Variants in COL23A1 observed in about 807,000 individuals in gnomAD.
COL23A1 encodes collagen type XXIII alpha 1 chain.
A neutral mutation model predicts 99.3 loss-of-function variants in COL23A1; 97 were observed. That is an observed-to-expected ratio of 0.98 (90% CI 0.83 to 1.16). The LOEUF (loss-of-function observed/expected upper bound fraction) is 1.16, where lower values mean the gene tolerates loss of function less well. COL23A1 is among the 50% of genes most tolerant of loss of function. The pLI is 0.00. For missense variants in COL23A1, 762 were observed against 757.4 expected, an observed-to-expected ratio of 1.01 and a Z score of -0.07; for synonymous variants, 320 against 308.2, an observed-to-expected ratio of 1.04 and a Z score of -0.40.
intron 2 of COL23A1, among the ~76,000 whole-genome samples, chr5:178,437,819 T>C (rs1766644147): frequency 1.3e-5 from 2 of 152,090 alleles, no homozygotes; most frequent in Admixed American, 6.5e-5. Context: ...GCAAACCCAG[T>C]CCTGGAGGGT....
At chr5:178,356,796 T>C (rs1197544408) in intron 2 of COL23A1, among the ~76,000 whole-genome samples, 1 of 151,646 alleles carries the variant, frequency 6.6e-6, no homozygotes, top group Non-Finnish European at 1.5e-5. Flanking sequence ...GGCACCGAGA[T>C]TGGCTATGCA....
At chr5:178,282,344 T>C (rs939220088) in intron 5 of COL23A1, among the ~76,000 whole-genome samples, 13 of 152,220 alleles carry the variant, frequency 8.5e-5, no homozygotes, top group Non-Finnish European at 1.8e-4. Flanking sequence ...AACACTTTGA[T>C]ACCAGGGGTG....
chr5:178,423,179 C>G (rs1014589778), intron 2 of COL23A1, among the ~76,000 whole-genome samples: 1 of 152,132 alleles, frequency 6.6e-6, no homozygotes, highest in African/African-American at 2.4e-5. Context: ...GAGACAGGGT[C>G]TCACTATGTT....
intron 2 of COL23A1, among the ~76,000 whole-genome samples, chr5:178,448,491 A>G (rs1767295688): frequency 6.6e-6 from 1 of 152,138 alleles, no homozygotes; most frequent in Non-Finnish European, 1.5e-5. Context: ...GGTCATTTGT[A>G]AGGAACAGAA....
intron 28 of COL23A1, 74 bp downstream of exon 28, chr5:178,239,067 C>A: frequency 6.5e-7 from 1 of 1,535,204 alleles, no homozygotes; most frequent in Non-Finnish European, 9.0e-7. Flanking sequence ...AGCACCCAGG[C>A]TCTGGGGCCC....
chr5:178,562,391 A>G (rs1275761222), intron 1 of COL23A1, among the ~76,000 whole-genome samples: 1 of 151,444 alleles, frequency 6.6e-6, no homozygotes, highest in Non-Finnish European at 1.5e-5. Flanking sequence ...CGCCTCCACT[A>G]AAAATACAAA....
chr5:178,555,807 C>T (rs550155050), intron 2 of COL23A1, among the ~76,000 whole-genome samples: 113 of 152,286 alleles, frequency 7.4e-4, no homozygotes, highest in Admixed American at 2.2e-3. Context: ...CCCCGAGTCA[C>T]TACTGTTCAC....
chr5:178,540,855 A>C (rs1256669520), intron 2 of COL23A1, among the ~76,000 whole-genome samples: 2 of 152,196 alleles, frequency 1.3e-5, no homozygotes, highest in Non-Finnish European at 2.9e-5. Context: ...TGAGCTTGGG[A>C]GGTCCAGGCT....
intron 2 of COL23A1, among the ~76,000 whole-genome samples, chr5:178,360,898 G>C (rs143601657): frequency 6.6e-6 from 1 of 151,792 alleles, no homozygotes; most frequent in African/African-American, 2.4e-5. Context: ...GCTTAACCTC[G>C]AGCAGCTGTG....
intron 2 of COL23A1, among the ~76,000 whole-genome samples, chr5:178,503,324 T>C (rs937542422): frequency 1.3e-5 from 2 of 152,016 alleles, no homozygotes; most frequent in African/African-American, 4.8e-5. Flanking sequence ...CACTCCAGCC[T>C]GGGCAACGAA....
chr5:178,373,231 C>T (rs1762895223), intron 2 of COL23A1, among the ~76,000 whole-genome samples: 1 of 152,156 alleles, frequency 6.6e-6, no homozygotes, highest in Non-Finnish European at 1.5e-5. Context: ...GGTGCCTCTC[C>T]TGGCCTTGGT....
intron 1 of COL23A1, among the ~76,000 whole-genome samples, chr5:178,575,801 G>T (rs58757361): frequency 0.38 from 58,047 of 151,816 alleles, 11,952 homozygotes; most frequent in East Asian, 0.69. Context: ...GAGAAGGGGC[G>T]CAGGACAGGA....
At chr5:178,360,803 G>A (rs1762135144) in intron 2 of COL23A1, among the ~76,000 whole-genome samples, 1 of 152,230 alleles carries the variant, frequency 6.6e-6, no homozygotes, top group African/African-American at 2.4e-5. Context: ...ACATCCTTCA[G>A]GGAACCGGGG....
intron 2 of COL23A1, among the ~76,000 whole-genome samples, chr5:178,393,486 G>A (rs571512849): frequency 1.3e-5 from 2 of 151,492 alleles, no homozygotes; most frequent in Non-Finnish European, 3.0e-5. Flanking sequence ...TAATGCCACT[G>A]AACTGTACAC....
chr5:178,279,237 G>A (rs1756758532), intron 5 of COL23A1, among the ~76,000 whole-genome samples: 1 of 152,182 alleles, frequency 6.6e-6, no homozygotes, highest in African/African-American at 2.4e-5. Context: ...AGACTCACGT[G>A]TCACCTCTTC....
intron 2 of COL23A1, among the ~76,000 whole-genome samples, chr5:178,436,207 C>A (rs990289044): frequency 6.6e-6 from 1 of 152,122 alleles, no homozygotes; most frequent in Non-Finnish European, 1.5e-5. Context: ...AGCCCAGACC[C>A]CTGAAAACCA....
chr5:178,383,227 C>G (rs1294952445), intron 2 of COL23A1, among the ~76,000 whole-genome samples: 1 of 152,146 alleles, frequency 6.6e-6, no homozygotes, highest in Non-Finnish European at 1.5e-5. Flanking sequence ...GGCTACTGGT[C>G]TGGGAACTGC....
At position 178,257,574 on chromosome 5, in the gene COL23A1, A is replaced by G. The variant is rs1210392815; in HGVS notation, c.730-7T>C. ...TTGGTGTCCCATCGTCGCCCTGAGGAGAGGACACCTGGGGCTTGCCGGTCA... is the reference window on the plus strand; with the variant it reads ...TTGGTGTCCCATCGTCGCCCTGAGGGGAGGACACCTGGGGCTTGCCGGTCA... On this transcript the variant is annotated splice_region_variant and splice_polypyrimidine_tract_variant and intron_variant, in intron 12 of 28. Coordinates refer to ENST00000390654, the MANE Select transcript of COL23A1 (RefSeq NM_173465.4). The G allele has an allele frequency of 1.3e-6, 2 of 1,555,836 alleles. No individual in the cohort carries two copies. The highest frequency in any genetic ancestry group is 1.7e-6 in the Non-Finnish European group (2 of 1,149,854).
intron 2 of COL23A1, among the ~76,000 whole-genome samples, chr5:178,375,983 A>G (rs1195714686): frequency 6.6e-6 from 1 of 152,208 alleles, no homozygotes; most frequent in Non-Finnish European, 1.5e-5. Flanking sequence ...TTGGGATTAT[A>G]GGCGTGAGCC....
Sources: allele counts gnomAD v4.1 joint callset (sites outside exome capture counted in the v4.1 genomes callset), GRCh38; gene constraint gnomAD v4.1.1; transcripts MANE v1.5; gene names NCBI Gene and HGNC (gene_info 2026-07-23, HGNC 2026-07-21).